MIPEP: variants seen among roughly 807,000 people sequenced by gnomAD.
MIPEP encodes the protein mitochondrial intermediate peptidase.
Under a neutral mutation model 90.3 loss-of-function variants are expected in MIPEP, and 79 were observed. The ratio of observed to expected loss-of-function variants is 0.87; its 90% confidence interval spans 0.73 to 1.05. The LOEUF is 1.05. MIPEP is among the 50% of genes least tolerant of loss of function. MIPEP has a pLI of 0.00. For synonymous variants in MIPEP, 334 were observed against 315.8 expected, an observed-to-expected ratio of 1.06 and a Z score of -0.61; for missense variants, 940 against 905.6, an observed-to-expected ratio of 1.04 and a Z score of -0.49.
intron 16 of MIPEP, among the ~76,000 whole-genome samples, chr13:23,766,546 T>C (rs1174829821): frequency 6.6e-6 from 1 of 152,188 alleles, no homozygotes; most frequent in Non-Finnish European, 1.5e-5. Context: ...GGACATATCC[T>C]TCTATTTGCC....
At chr13:23,767,264 G>C (rs569832002) in intron 16 of MIPEP, among the ~76,000 whole-genome samples, 6 of 152,140 alleles carry the variant, frequency 3.9e-5, no homozygotes, top group Admixed American at 6.5e-5. Context: ...TGTGAGATAG[G>C]CACTGTTTTA....
chr13:23,876,610 T>C (rs1233854149), intron 4 of MIPEP, among the ~76,000 whole-genome samples: 9 of 151,876 alleles, frequency 5.9e-5, no homozygotes, highest in African/African-American at 9.7e-5. Context: ...TTCTTCTTTT[T>C]TTAAAGTAAT....
At chr13:23,753,525 T>C (rs1952462504) in intron 18 of MIPEP, among the ~76,000 whole-genome samples, 1 of 152,252 alleles carries the variant, frequency 6.6e-6, no homozygotes, top group African/African-American at 2.4e-5. Flanking sequence ...AGGATCACTC[T>C]ATGTAAAGTT....
rs576096302 is a variant in MIPEP, at chr13:23,832,612, G to A, written c.1653+3628C>T. On this transcript the variant is annotated intron_variant, in intron 14 of 18. Coordinates refer to ENST00000382172, the MANE Select transcript of MIPEP (RefSeq NM_005932.4). The stretch of plus-strand genomic sequence containing the variant: ...TGGAGCAACGGCGAAGAAGTTACGC[G>A]GAAGGTAAAAATCTACAAGCACTGA... Among the ~76,000 whole-genome samples, 20 of 152,200 alleles carry A rather than the reference G, an allele frequency of 1.3e-4. 1 individual carries two copies. In the South Asian group the frequency reaches 1.9e-3, roughly 14 times the overall value.
chr13:23,782,754 T>TA (rs1464030413), intron 16 of MIPEP, among the ~76,000 whole-genome samples: 2 of 151,906 alleles, frequency 1.3e-5, no homozygotes, highest in East Asian at 3.9e-4. Flanking sequence ...ATAGACGCAA[T>TA]AAAAAATGAT....
At chr13:23,776,734 AT>A (rs1952721444) in intron 16 of MIPEP, among the ~76,000 whole-genome samples, 1 of 152,156 alleles carries the variant, frequency 6.6e-6, no homozygotes, top group Non-Finnish European at 1.5e-5. Context: ...ACTGGGCAGG[AT>A]AAGTTAACAT....
chr13:23,886,574 A>C, intron 1 of MIPEP, 68 bp from the exon 2 acceptor site: 1 of 1,306,042 alleles, frequency 7.7e-7, no homozygotes, highest in Non-Finnish European at 1.0e-6. Flanking sequence ...ATATTTACTA[A>C]AATTACTTTT....
At chr13:23,755,624 A>G (rs141599833) in intron 18 of MIPEP, among the ~76,000 whole-genome samples, 1 of 152,342 alleles carries the variant, frequency 6.6e-6, no homozygotes, top group East Asian at 1.9e-4. Context: ...ATCTAGTAAC[A>G]TTCATATCTT....
chr13:23,886,635 T>A, intron 1 of MIPEP, 129 bp from the exon 2 acceptor site: 2 of 593,728 alleles, frequency 3.4e-6, no homozygotes, highest in South Asian at 7.9e-5. Flanking sequence ...ATACCTGTGA[T>A]CACAGATACC....
At chr13:23,880,465 A>C (rs1189927891) in intron 3 of MIPEP, among the ~76,000 whole-genome samples, 2 of 152,242 alleles carry the variant, frequency 1.3e-5, no homozygotes, top group African/African-American at 4.8e-5. Flanking sequence ...AGACCCTGAG[A>C]TAAAGCCCAT....
rs1952432354 is a variant in MIPEP at position 23,750,660 on chromosome 13, T to A, written c.2044+5885A>T. 1.3e-5 allele frequency among the ~76,000 whole-genome samples: 2 copies of A among 152,236 alleles called. 1 individual carries two copies. The highest frequency in any genetic ancestry group is 1.3e-4 in the Admixed American group (2 of 15,284). The stretch of plus-strand genomic sequence containing the variant: ...GCTCTGGACGGAACTCACTCTGCAC[T>A]GCCCACATAATGAGTGGGGAGTTAT... On this transcript the variant is annotated intron_variant, in intron 18 of 18. Coordinates refer to ENST00000382172, the MANE Select transcript of MIPEP (RefSeq NM_005932.4).
intron 18 of MIPEP, among the ~76,000 whole-genome samples, chr13:23,747,885 C>G (rs1373148077): frequency 6.6e-6 from 1 of 152,134 alleles, no homozygotes; most frequent in Non-Finnish European, 1.5e-5. Flanking sequence ...GGACTACCGG[C>G]GTATGCCACC....
intron 18 of MIPEP, among the ~76,000 whole-genome samples, chr13:23,749,757 C>T (rs944055526): frequency 2.0e-5 from 3 of 152,190 alleles, no homozygotes; most frequent in African/African-American, 7.2e-5. Context: ...TGATATCACA[C>T]TCACCCTCCT....
chr13:23,808,525 C>T (rs931407533), intron 15 of MIPEP, among the ~76,000 whole-genome samples: 1 of 152,156 alleles, frequency 6.6e-6, no homozygotes, highest in African/African-American at 2.4e-5. Context: ...CAGGACTTTG[C>T]CTCTCTCTGT....
chr13:23,733,706 A>G (rs948775184), intron 18 of MIPEP, among the ~76,000 whole-genome samples: 1 of 152,230 alleles, frequency 6.6e-6, no homozygotes, highest in African/African-American at 2.4e-5. Flanking sequence ...TAACTAGACC[A>G]GGGGTAGTTG....
chr13:23,804,333 C>T (rs74038775), intron 16 of MIPEP, among the ~76,000 whole-genome samples: 2,778 of 152,202 alleles, frequency 0.018, 93 homozygotes, highest in African/African-American at 0.064. Context: ...ACTTACTGGT[C>T]ATGAAGTTTA....
At chr13:23,779,054 T>C (rs1273019723) in intron 16 of MIPEP, among the ~76,000 whole-genome samples, 4 of 152,198 alleles carry the variant, frequency 2.6e-5, no homozygotes, top group Admixed American at 2.6e-4. Context: ...CCACTCTTTA[T>C]CCTGGAATGT....
rs1158122196 is a variant in MIPEP, at chr13:23,784,296, A to G, written c.1848+21654T>C. Among the ~76,000 whole-genome samples the G allele has an allele frequency of 2.6e-5, 4 of 152,314 alleles. No homozygotes were observed. In the East Asian group the frequency reaches 7.7e-4, roughly 29 times the overall value. ...TACTGGTACCAAAACAGAGATATAG[A>G]CCAATGGAACAGAACAGAGCCCTCA... On this transcript the variant is annotated intron_variant, in intron 16 of 18. Coordinates refer to ENST00000382172, the MANE Select transcript of MIPEP (RefSeq NM_005932.4).
chr13:23,864,175 A>G lies in MIPEP; in HGVS notation c.958T>C (p.Phe320Leu), dbSNP rs946435661. The change falls in exon 8 of 19, where the codon TTC becomes CTC. Residue 320 changes from phenylalanine to leucine, a missense_variant. Transcript: ENST00000382172. The stretch of plus-strand genomic sequence containing the variant: ...AGTTTGTCAGATAGTTTTTCAAGGA[A>G]CTGCATGACAGTCTCTAAAACGAAA... ...IAKNPETVMQ[F>L]LEKLSDKLSE... The G allele has an allele frequency of 6.4e-7, 1 of 1,564,614 alleles. No individual in the cohort carries two copies. Among genetic ancestry groups the G allele is most frequent in the Non-Finnish European group, 8.7e-7 (1 of 1,153,428 alleles).
Sources: allele counts gnomAD v4.1 joint callset (sites outside exome capture counted in the v4.1 genomes callset), GRCh38; gene constraint gnomAD v4.1.1; transcripts MANE v1.5; gene names NCBI Gene and HGNC (gene_info 2026-07-23, HGNC 2026-07-21).